Variants in DLC1 observed in about 807,000 individuals in gnomAD.
DLC1 encodes the protein rho GTPase-activating protein 7.
A neutral mutation model predicts 140.3 loss-of-function variants in DLC1; 54 were observed. The ratio of observed to expected loss-of-function variants is 0.38; its 90% CI spans 0.31 to 0.48. The LOEUF (loss-of-function observed/expected upper bound fraction) is 0.48. DLC1 is among the 20% of genes least tolerant of loss of function. DLC1 has a pLI of 0.96. For synonymous variants in DLC1, 986 were observed against 728.1 expected (o/e 1.35, Z -5.70); for missense variants, 2,536 against 1,907.0 (o/e 1.33, Z -6.14).
chr8:13,453,447 T>TATGTATATATAC (rs1554523066), intron 2 of DLC1, among the ~76,000 whole-genome samples: 2 of 34,550 alleles, frequency 5.8e-5, no homozygotes, highest in Admixed American at 3.5e-4. Flanking sequence ...TGTATATATA[T>TATGTATATATAC]ACATATATAT....
At chr8:13,538,241 AG>A (rs1383261537) in intron 1 of DLC1, among the ~76,000 whole-genome samples, 9 of 152,080 alleles carry the variant, frequency 5.9e-5, no homozygotes. Flanking sequence ...TAGGTGAGCA[AG>A]GGGACCCTCT....
chr8:13,554,798 A>G (rs1423194265), intron 1 of DLC1, among the ~76,000 whole-genome samples: 1 of 152,184 alleles, frequency 6.6e-6, no homozygotes, highest in East Asian at 1.9e-4. Flanking sequence ...TCTGAAGTCT[A>G]TCACAGCAGC....
intron 5 of DLC1, among the ~76,000 whole-genome samples, chr8:13,199,416 T>A (rs1319616114): frequency 6.6e-6 from 1 of 151,956 alleles, no homozygotes; most frequent in African/African-American, 2.4e-5. Context: ...ACTCCAGGCC[T>A]CACGCAATCC....
intron 5 of DLC1, among the ~76,000 whole-genome samples, chr8:13,261,636 C>T (rs1443689200): frequency 1.3e-5 from 2 of 151,982 alleles, no homozygotes; most frequent in Non-Finnish European, 2.9e-5. Flanking sequence ...AGGGTGGTGG[C>T]AGTGAGGGTG....
chr8:13,133,020 C>G (rs1429827599), intron 5 of DLC1: 4 of 1,597,556 alleles, frequency 2.5e-6, no homozygotes, highest in Middle Eastern at 1.7e-4. Context: ...GTGGGGAAGT[C>G]GAGGCAGGCG....
At chr8:13,387,858 C>T (rs1018645809) in intron 4 of DLC1, among the ~76,000 whole-genome samples, 8 of 152,104 alleles carry the variant, frequency 5.3e-5, no homozygotes, top group East Asian at 1.9e-4. Flanking sequence ...CAAAGACGTT[C>T]GCATGTTCAA....
chr8:13,142,984 G>A (rs571125949), intron 5 of DLC1, among the ~76,000 whole-genome samples: 3 of 151,864 alleles, frequency 2.0e-5, no homozygotes, highest in African/African-American at 4.8e-5. Flanking sequence ...CAGAGGTTGC[G>A]GTGAGCCAAG....
At chr8:13,494,275 G>T (rs1168405987) in intron 2 of DLC1, among the ~76,000 whole-genome samples, 1 of 152,112 alleles carries the variant, frequency 6.6e-6, no homozygotes, top group Non-Finnish European at 1.5e-5. Context: ...AATATAAATT[G>T]TCCCTTACGT....
chr8:13,426,341 C>A (rs1383230916), intron 2 of DLC1, among the ~76,000 whole-genome samples: 1 of 152,180 alleles, frequency 6.6e-6, no homozygotes, highest in African/African-American at 2.4e-5. Context: ...ATAGTATTCT[C>A]TAAATCACAC....
At chr8:13,470,314 A>G (rs1366820458) in intron 2 of DLC1, among the ~76,000 whole-genome samples, 2 of 152,186 alleles carry the variant, frequency 1.3e-5, no homozygotes, top group African/African-American at 2.4e-5. Context: ...TGCAAACCAT[A>G]TATCTTATCC....
At chr8:13,532,729 A>G (rs1454796447) in intron 1 of DLC1, among the ~76,000 whole-genome samples, 2 of 152,182 alleles carry the variant, frequency 1.3e-5, no homozygotes, top group South Asian at 2.1e-4. Flanking sequence ...TGCTGGGACT[A>G]CAGGTGTGAG....
rs76369377 is a variant in DLC1 at position 13,121,466 on chromosome 8, C to T, written c.1349-5809G>A. On this transcript the variant is annotated intron_variant, in intron 5 of 17. Coordinates refer to ENST00000276297, the MANE Select transcript of DLC1 (RefSeq NM_182643.3). ...GGCGTTCACTGGGAGAAGCAAATCA[C>T]GACCACAAATACTTGTAGTAAGGTA... is the stretch of plus-strand genomic sequence containing the variant. Among the ~76,000 whole-genome samples, 351 of 152,290 alleles carry T rather than the reference C, an allele frequency of 2.3e-3. 1 individual carries two copies. The highest frequency in any genetic ancestry group is 7.1e-3 in the African/African-American group (295 of 41,556).
At position 13,433,781 on chromosome 8, in the gene DLC1, A is replaced by C. The variant is rs566015195; in HGVS notation, c.1024-32162T>G. Among the ~76,000 whole-genome samples the C allele has an allele frequency of 3.9e-5, 6 of 152,312 alleles. No individual in the cohort carries two copies. In the South Asian group the frequency reaches 1.0e-3, roughly 26 times the overall value. ...AAAATGGCAACAATTTTTTCCAAAT[A>C]CACTGTGTTCATTCCAGAGGAAAAG... On this transcript the variant is annotated intron_variant, in intron 2 of 17. Transcript: ENST00000276297.
chr8:13,551,755 ATATCAAACATATGTATC>A (rs1803860907), intron 1 of DLC1, among the ~76,000 whole-genome samples: 1 of 150,972 alleles, frequency 6.6e-6, no homozygotes, highest in Admixed American at 6.6e-5. Context: ...ATATGTTTCT[ATATCAAACATATGTATC>A]TATCAAACAT....
chr8:13,364,145 TAAG>T (rs1264239088), intron 4 of DLC1, among the ~76,000 whole-genome samples: 2 of 152,234 alleles, frequency 1.3e-5, no homozygotes, highest in South Asian at 2.1e-4. Context: ...AGAGAACAAC[TAAG>T]AAGAAGATTT....
At chr8:13,379,733 C>T (rs954119603) in intron 4 of DLC1, among the ~76,000 whole-genome samples, 6 of 152,114 alleles carry the variant, frequency 3.9e-5, no homozygotes, top group Admixed American at 1.3e-4. Context: ...GTTTTCTGTA[C>T]GCATCAACCC....
intron 5 of DLC1, among the ~76,000 whole-genome samples, chr8:13,297,774 C>T (rs75511029): frequency 1.4e-4 from 21 of 152,204 alleles, no homozygotes; most frequent in East Asian, 5.8e-4. Context: ...TATCTTGGAG[C>T]GTGGCTCAGA....
intron 2 of DLC1, among the ~76,000 whole-genome samples, chr8:13,420,768 G>A (rs995420622): frequency 1.1e-4 from 16 of 152,116 alleles, no homozygotes; most frequent in Admixed American, 7.9e-4. Flanking sequence ...GTATTCTGTG[G>A]TGTATATGTG....
At chr8:13,566,901 A>T in intron 1 of DLC1, 1 of 1,428,970 alleles carries the variant, frequency 7.0e-7, no homozygotes, top group Non-Finnish European at 9.2e-7. Flanking sequence ...TGGCATTGAG[A>T]TCCATTCCCG....
Sources: allele counts gnomAD v4.1 joint callset (sites outside exome capture counted in the v4.1 genomes callset), GRCh38; gene constraint gnomAD v4.1.1; transcripts MANE v1.5; gene names NCBI Gene and HGNC (gene_info 2026-07-23, HGNC 2026-07-21).